Variants in CHM observed in about 807,000 individuals in gnomAD.
CHM encodes the protein rab proteins geranylgeranyltransferase component A 1.
A neutral mutation model predicts 49.0 loss-of-function variants in CHM; 10 were observed. That is an observed-to-expected ratio of 0.20 (90% CI 0.13 to 0.35). The LOEUF is 0.35. Ranked by LOEUF, CHM falls within the 10% of genes least tolerant of loss-of-function variation. The pLI is 1.00. For missense variants in CHM, 455 were observed against 478.4 expected (o/e 0.95, Z 0.46); for synonymous variants, 184 against 167.5 (o/e 1.10, Z -0.76).
intron 2 of CHM, among the ~76,000 whole-genome samples, chrX:85,996,670 T>TAA (rs1345545635): frequency 9.0e-6 from 1 of 111,424 alleles, no homozygotes; most frequent in Non-Finnish European, 1.9e-5. Context: ...AGGAAATTCC[T>TAA]TATATATATA....
At chrX:85,924,493 C>A (rs1927970382) in intron 8 of CHM, among the ~76,000 whole-genome samples, 1 of 111,581 alleles carries the variant, frequency 9.0e-6, no homozygotes. Flanking sequence ...TGAAGGAATA[C>A]CCAGAAAGCA....
At chrX:85,989,735 G>GA (rs146124409) in intron 2 of CHM, among the ~76,000 whole-genome samples, 30,296 of 109,780 alleles carry the variant, frequency 0.28, 3,521 homozygotes, top group Admixed American at 0.39. Context: ...ATAGCATATG[G>GA]AAAAAAAACT....
intron 12 of CHM, among the ~76,000 whole-genome samples, chrX:85,891,084 TTATTTAAGG>T (rs1214817442): frequency 9.0e-6 from 1 of 111,556 alleles, no homozygotes; most frequent in Non-Finnish European, 1.9e-5. Context: ...TTGAGAGAGA[TTATTTAAGG>T]TATCTGGTGG....
chrX:86,041,553 A>C (rs896798090), intron 1 of CHM, among the ~76,000 whole-genome samples: 8 of 108,803 alleles, frequency 7.4e-5, no homozygotes, highest in Admixed American at 2.0e-4. Flanking sequence ...TGAACAAAAG[A>C]GAAGACAACA....
At chrX:85,955,781 C>G (rs751978300) in intron 8 of CHM, among the ~76,000 whole-genome samples, 13 of 111,702 alleles carry the variant, frequency 1.2e-4, no homozygotes, top group Admixed American at 1.9e-4. Flanking sequence ...AGGGTGTTAA[C>G]CTCAAAAAAC....
chrX:85,972,571 C>A (rs1287603088), intron 4 of CHM, among the ~76,000 whole-genome samples: 1 of 113,148 alleles, frequency 8.8e-6, no homozygotes, highest in African/African-American at 3.2e-5. Flanking sequence ...GCTGGGGGAC[C>A]CAGTACACCC....
chrX:85,960,805 A>G (rs1215901425), intron 5 of CHM, among the ~76,000 whole-genome samples: 1 of 111,440 alleles, frequency 9.0e-6, no homozygotes, highest in Non-Finnish European at 1.9e-5. Flanking sequence ...GATTACAATA[A>G]TGGAAATTAG....
chrX:85,973,759 T>G (rs1322089372), intron 4 of CHM, among the ~76,000 whole-genome samples: 1 of 111,912 alleles, frequency 8.9e-6, no homozygotes, highest in East Asian at 2.8e-4. Flanking sequence ...CAGGAAGTGA[T>G]GAGAACTTCC....
intron 1 of CHM, among the ~76,000 whole-genome samples, chrX:86,042,038 G>T (rs1934487405): frequency 9.1e-6 from 1 of 109,523 alleles, no homozygotes; most frequent in African/African-American, 3.3e-5. Context: ...ACAGATATTT[G>T]GTAAATATCA....
At chrX:85,957,784 A>T in intron 7 of CHM, 71 bp downstream of exon 7, 1 of 1,157,757 alleles carries the variant, frequency 8.6e-7, no homozygotes, top group South Asian at 1.9e-5. Flanking sequence ...GGCTCACTAA[A>T]TCAGAGCAAG....
At position 86,024,404 on chromosome X, in the gene CHM, A is replaced by C. The variant is rs1293613943; in HGVS notation, c.116+3087T>G. 3.6e-5 allele frequency among the ~76,000 whole-genome samples: 4 copies of C among 112,437 alleles called. No individual in the cohort carries two copies. In the Admixed American group the frequency reaches 3.8e-4, roughly 11 times the overall value. ...CACTGACCCAGACCCACTCATTTCA[A>C]CCACAGCAGCTCTGCTTTCATCTTT... On this transcript the variant is annotated intron_variant, in intron 2 of 14. Transcript: ENST00000357749.
intron 2 of CHM, among the ~76,000 whole-genome samples, chrX:86,025,778 C>T (rs916107441): frequency 2.7e-4 from 29 of 108,644 alleles, no homozygotes; most frequent in African/African-American, 9.7e-4. Context: ...TAAAATTATA[C>T]ATGTTAGGAA....
intron 8 of CHM, among the ~76,000 whole-genome samples, chrX:85,927,405 A>G (rs953883922): frequency 8.9e-6 from 1 of 111,790 alleles, no homozygotes; most frequent in Non-Finnish European, 1.9e-5. Flanking sequence ...GTCCCATTTT[A>G]ATTGAAGTTA....
chrX:85,895,486 T>A (rs1257226839), intron 11 of CHM, among the ~76,000 whole-genome samples: 1 of 111,344 alleles, frequency 9.0e-6, no homozygotes, highest in Non-Finnish European at 1.9e-5. Flanking sequence ...TCAATACTAA[T>A]CCTCAAACTA....
intron 2 of CHM, among the ~76,000 whole-genome samples, chrX:85,984,045 G>GA (rs1217784302): frequency 9.2e-6 from 1 of 108,782 alleles, no homozygotes; most frequent in Non-Finnish European, 1.9e-5. Context: ...CTACTAAACA[G>GA]AAAAAAATTA....
At chrX:86,016,987 G>GGACATCAGGT (rs1302830427) in intron 2 of CHM, among the ~76,000 whole-genome samples, 2 of 112,594 alleles carry the variant, frequency 1.8e-5, no homozygotes, top group Non-Finnish European at 3.8e-5. Flanking sequence ...GGATGTCAAA[G>GGACATCAGGT]GACCTGGAGT....
chrX:85,952,047 C>T (rs1929778736), intron 8 of CHM, among the ~76,000 whole-genome samples: 1 of 112,123 alleles, frequency 8.9e-6, no homozygotes, highest in South Asian at 3.7e-4. Flanking sequence ...ATGGCCCATC[C>T]CAGCAGCTGG....
At chrX:85,888,098 C>G (rs1303101761) in intron 12 of CHM, among the ~76,000 whole-genome samples, 1 of 111,492 alleles carries the variant, frequency 9.0e-6, no homozygotes, top group East Asian at 2.8e-4. Flanking sequence ...GAAAATGTCT[C>G]TAGGCCATGT....
At chrX:85,888,639 T>A (rs898241288) in intron 12 of CHM, among the ~76,000 whole-genome samples, 1 of 111,777 alleles carries the variant, frequency 8.9e-6, no homozygotes, top group Non-Finnish European at 1.9e-5. Flanking sequence ...GTTTTCTTTT[T>A]GTATCATATA....
Sources: gnomAD v4.1 joint callset for allele counts (sites outside exome capture counted in the v4.1 genomes callset) on GRCh38, gnomAD v4.1.1 for gene constraint, MANE v1.5 for transcripts, NCBI Gene and HGNC (gene_info 2026-07-23, HGNC 2026-07-21) for gene names.